The following MYO3B variants were observed in gnomAD, a reference collection of about 807,000 sequenced individuals.
MYO3B encodes the protein myosin-IIIb.
MYO3B carries 156 observed loss-of-function variants against 174.6 expected under a neutral mutation model. That is an observed-to-expected ratio of 0.89 (90% CI 0.78 to 1.02). The LOEUF is 1.02. Ranked by LOEUF, MYO3B falls within the 50% of genes least tolerant of loss-of-function variation. The pLI, the probability that MYO3B is intolerant of heterozygous loss-of-function variation, is 0.00. For synonymous variants in MYO3B, 563 were observed against 569.1 expected (o/e 0.99, Z 0.15); for missense variants, 1,632 against 1,639.4 (o/e 1.00, Z 0.08).
chr2:170,491,433 A>AT (rs1559052131), intron 25 of MYO3B, among the ~76,000 whole-genome samples: 1 of 145,400 alleles, frequency 6.9e-6, no homozygotes, highest in African/African-American at 2.6e-5. Context: ...TAATTAATTA[A>AT]CTTTTTTTTT....
rs2105325244 is a variant in MYO3B at position 170,194,070 on chromosome 2, T to C, written c.3-5138T>C. 1.3e-5 allele frequency among the ~76,000 whole-genome samples: 2 copies of C among 151,956 alleles called. 1 individual carries two copies. Among genetic ancestry groups the C allele is most frequent in the South Asian group, 4.1e-4 (2 of 4,830 alleles). ...CTAGGGCTTCACATTTATCTCTTGG[T>C]TAGCTGGATTTTGGAATCATGTGAC... On this transcript the variant is annotated intron_variant, in intron 1 of 34. Coordinates refer to ENST00000408978, the MANE Select transcript of MYO3B (RefSeq NM_138995.5).
At chr2:170,463,935 C>T (rs1315572260) in intron 24 of MYO3B, among the ~76,000 whole-genome samples, 1 of 152,142 alleles carries the variant, frequency 6.6e-6, no homozygotes, top group Non-Finnish European at 1.5e-5. Context: ...GTTAAATGCA[C>T]ATTATATAGC....
intron 32 of MYO3B, among the ~76,000 whole-genome samples, chr2:170,592,042 T>C (rs1334385969): frequency 6.6e-6 from 1 of 152,232 alleles, no homozygotes; most frequent in Non-Finnish European, 1.5e-5. Flanking sequence ...AAGTTGATTT[T>C]TTAATTCCCA....
At chr2:170,519,767 G>A in intron 30 of MYO3B, 3 of 408,382 alleles carry the variant, frequency 7.3e-6, no homozygotes, top group Non-Finnish European at 1.4e-5. Flanking sequence ...GAGGTCAGGA[G>A]TTTGAGACTA....
chr2:170,312,440 T>C (rs1196163606), intron 7 of MYO3B, among the ~76,000 whole-genome samples: 2 of 152,266 alleles, frequency 1.3e-5, no homozygotes, highest in East Asian at 3.8e-4. Context: ...TGTGCCTATT[T>C]AGTGTATTGC....
chr2:170,438,932 A>G (rs2094777724), intron 22 of MYO3B, among the ~76,000 whole-genome samples: 1 of 150,918 alleles, frequency 6.6e-6, no homozygotes, highest in African/African-American at 2.4e-5. Context: ...GTGCCCGGCC[A>G]AGGATGAGGT....
At chr2:170,482,223 T>G (rs1685741002) in intron 25 of MYO3B, among the ~76,000 whole-genome samples, 1 of 151,822 alleles carries the variant, frequency 6.6e-6, no homozygotes. Context: ...CGGAGCAATC[T>G]CTGCTCACTG....
At chr2:170,446,788 C>G (rs1338110173) in intron 23 of MYO3B, among the ~76,000 whole-genome samples, 2 of 152,056 alleles carry the variant, frequency 1.3e-5, no homozygotes, top group East Asian at 3.8e-4. Context: ...AGCAGATTAA[C>G]AAGAGAAAAG....
chr2:170,418,760 A>C (rs1424426192), intron 22 of MYO3B, among the ~76,000 whole-genome samples: 2 of 152,172 alleles, frequency 1.3e-5, no homozygotes, highest in East Asian at 3.8e-4. Context: ...AACTGGGGGA[A>C]GGAGGCAGTT....
intron 16 of MYO3B, among the ~76,000 whole-genome samples, chr2:170,395,100 T>G (rs2094436048): frequency 6.6e-6 from 1 of 152,162 alleles, no homozygotes. Context: ...GAATTTTAAT[T>G]CTGGGACAAC....
At chr2:170,594,453 C>T (rs1369046008) in intron 32 of MYO3B, among the ~76,000 whole-genome samples, 1 of 152,202 alleles carries the variant, frequency 6.6e-6, no homozygotes, top group African/African-American at 2.4e-5. Flanking sequence ...CTGAAGCCAG[C>T]TCTTCTAGTA....
intron 32 of MYO3B, among the ~76,000 whole-genome samples, chr2:170,574,709 C>T (rs2106286628): frequency 6.6e-6 from 1 of 152,222 alleles, no homozygotes; most frequent in South Asian, 2.1e-4. Context: ...ATACAGCTTT[C>T]TTAGAATCAG....
rs1479739755 is a variant in MYO3B at position 170,383,810 on chromosome 2, A to T, written c.1286A>T (p.Asp429Val). 1.2e-6 allele frequency: 2 copies of T among 1,611,488 alleles called. No individual in the cohort carries two copies. The highest frequency in any genetic ancestry group is 1.7e-4 in the Middle Eastern group (1 of 6,058). Residue 429 changes from aspartate (D) to valine (V), a missense_variant, in exon 12 of 35, where the codon GAC becomes GTC. By Grantham distance (152) the Asp-to-Val change is radical. Transcript: ENST00000408978. ...CAGTGCATGGTTACTCTCAGCAAAG[A>T]CCAGGTAAGAACTCACCTTCCTTTC... ...AYQCMVTLSK[D>V]QCIVISGESG...
rs763398303 is a variant in MYO3B at position 170,214,797 on chromosome 2, A to G, written c.495A>G (p.Thr165=). ...RDVKGNNILL[T]TEGGVKLVDF... ...TGAAGGGGAATAACATTCTTCTGAC[A>G]ACAGAAGGAGGAGTTAAGCTCGTTG... The change falls in exon 5 of 35, where the codon ACA becomes ACG. Residue 165 remains threonine (T), a synonymous_variant. Transcript: ENST00000408978. 3.1e-6 allele frequency: 5 copies of G among 1,613,978 alleles called. No homozygotes were observed. Among genetic ancestry groups the G allele is most frequent in the Admixed American group, 1.7e-5 (1 of 60,026 alleles).
chr2:170,603,727 T>C (rs1047061380), intron 32 of MYO3B, among the ~76,000 whole-genome samples: 4 of 152,222 alleles, frequency 2.6e-5, no homozygotes, highest in Admixed American at 6.5e-5. Flanking sequence ...GGTTTTAAAA[T>C]GCTTAGGAAA....
intron 7 of MYO3B, among the ~76,000 whole-genome samples, chr2:170,332,454 T>A (rs2093918416): frequency 6.6e-6 from 1 of 152,164 alleles, no homozygotes; most frequent in African/African-American, 2.4e-5. Context: ...ATAACCTACA[T>A]GGTTTCCCTT....
At chr2:170,436,453 C>A (rs2094754619) in intron 22 of MYO3B, among the ~76,000 whole-genome samples, 1 of 152,154 alleles carries the variant, frequency 6.6e-6, no homozygotes, top group East Asian at 1.9e-4. Flanking sequence ...TCCTGCCACC[C>A]CTGGATTACG....
At chr2:170,276,220 C>T (rs2093463031) in intron 7 of MYO3B, among the ~76,000 whole-genome samples, 1 of 152,142 alleles carries the variant, frequency 6.6e-6, no homozygotes, top group Non-Finnish European at 1.5e-5. Flanking sequence ...GGTCCAAGTC[C>T]TAAGTGAATT....
intron 32 of MYO3B, among the ~76,000 whole-genome samples, chr2:170,595,907 A>G (rs1044365471): frequency 2.0e-5 from 3 of 152,166 alleles, no homozygotes; most frequent in African/African-American, 7.2e-5. Flanking sequence ...TTGCTAAGGA[A>G]TCCACCCTCC....
Sources: allele counts gnomAD v4.1 joint callset (sites outside exome capture counted in the v4.1 genomes callset), GRCh38; gene constraint gnomAD v4.1.1; transcripts MANE v1.5; gene names NCBI Gene and HGNC (gene_info 2026-07-23, HGNC 2026-07-21).